The following TGM1 variants were observed in gnomAD, a reference collection of about 807,000 sequenced individuals.
TGM1 encodes the protein protein-glutamine gamma-glutamyltransferase K.
TGM1 carries 63 observed loss-of-function variants against 88.7 expected under a neutral mutation model. The ratio of observed to expected loss-of-function variants is 0.71; its 90% CI spans 0.58 to 0.88. TGM1 has a LOEUF of 0.88. TGM1 is among the 40% of genes least tolerant of loss of function. The probability of loss-of-function intolerance (pLI) is 0.00; values close to 1 mark genes in which losing one functional copy is unlikely to be tolerated. For missense variants in TGM1, 996 were observed against 1,118.0 expected (o/e 0.89, Z 1.56); for synonymous variants, 415 against 431.1 (o/e 0.96, Z 0.46).
Position 24,259,424 on chromosome 14 carries a change from C to T in TGM1, c.985-175G>A, listed in dbSNP as rs1380287319. Among the ~76,000 whole-genome samples the T allele has an allele frequency of 6.6e-6, 1 of 152,242 alleles. No homozygotes were observed. The highest frequency in any genetic ancestry group is 6.5e-5 in the Admixed American group (1 of 15,294). On this transcript the variant is annotated intron_variant, in intron 6 of 14. Coordinates refer to ENST00000206765, the MANE Select transcript of TGM1 (RefSeq NM_000359.3). The surrounding 1 kb of genome is among the most constrained non-coding windows in gnomAD (Gnocchi z 5.7). ...GCCCTTCCCTCAGCCATCTGCCCCC[C>T]TCCCACCCGGGCTCTGACACAGGAA...
chr14:24,262,647 G>C (rs1324925077), intron 1 of TGM1, among the ~76,000 whole-genome samples: 1 of 152,192 alleles, frequency 6.6e-6, no homozygotes, highest in Non-Finnish European at 1.5e-5. Flanking sequence ...AATCCACATA[G>C]TTCCCTGCAT....
In TGM1 at chr14:24,255,893, T is replaced by C; in HGVS notation, c.1491+96A>G. 9.5e-7 allele frequency: 1 copy of C among 1,054,634 alleles called. No individual in the cohort carries two copies. The highest frequency in any genetic ancestry group is 2.0e-5 in the Admixed American group (1 of 50,318). 65.3% of individuals were successfully genotyped at this position (1,054,634 alleles called of 1,614,324 possible). ...GAAACTGACTTGTATAATGAGTGAC[T>C]TGCCCCGGGTCGCAGAGCTGGTCAG... On this transcript the variant is annotated intron_variant, in intron 10 of 14. Transcript: ENST00000206765. This position sits in a 1 kb window ranked among gnomAD's most constrained non-coding sequence, Gnocchi z 4.0.
At position 24,249,556 on chromosome 14, in the gene TGM1, A is replaced by T; in HGVS notation, c.2226-15T>A. On this transcript the variant is annotated splice_polypyrimidine_tract_variant and intron_variant, in intron 14 of 14. Coordinates refer to ENST00000206765, the MANE Select transcript of TGM1 (RefSeq NM_000359.3). ...CTCCAATGTCCCTGTGGGCAGAGAC[A>T]AGGTCATGGGCCTGGAGTAATTGGG... is the stretch of plus-strand genomic sequence containing the variant. The T allele has an allele frequency of 6.2e-7, 1 of 1,611,166 alleles. No homozygotes were observed. The highest frequency in any genetic ancestry group is 8.5e-7 in the Non-Finnish European group (1 of 1,178,290).
At position 24,258,549 on chromosome 14, in the gene TGM1, G is replaced by A; in HGVS notation, c.1284C>T (p.Asn428=). Residue 428 remains asparagine (N), a synonymous_variant, in exon 8 of 15, where the codon AAC becomes AAT. Coordinates refer to ENST00000206765, the MANE Select transcript of TGM1 (RefSeq NM_000359.3). ...CCCCAGCTCACCAGACAGAATCATGGTTCAGGTGCTCCAGGGGCTTCATGT... is the reference window on the plus strand; with the variant it reads ...CCCCAGCTCACCAGACAGAATCATGATTCAGGTGCTCCAGGGGCTTCATGT... ...DENMKPLEHL[N]HDSVWNFHVW... is the part of the protein sequence containing the mutation. 1 of 1,614,178 alleles carries A rather than the reference G, an allele frequency of 6.2e-7. No homozygotes were observed. The highest frequency in any genetic ancestry group is 8.5e-7 in the Non-Finnish European group (1 of 1,180,034).
chr14:24,260,512 T>A lies in TGM1; in HGVS notation c.695A>T (p.Glu232Val). Residue 232 changes from glutamate (E) to valine (V), a missense_variant, in exon 4 of 15, where the codon GAG becomes GTG. Transcript: ENST00000206765. ...GCGGGGGTCAAAGGGCAACTGGAAC[T>A]CCCCAGCGTCTGATTGTGTGCGGAC... is the stretch of plus-strand genomic sequence containing the variant. Reference protein sequence around the residue: ...FTVRTQSDAGEFQLPFDPRNE... With the variant: ...FTVRTQSDAGVFQLPFDPRNE... 2 of 1,614,206 alleles carry A rather than the reference T, an allele frequency of 1.2e-6. No individual in the cohort carries two copies. The highest frequency in any genetic ancestry group is 1.7e-6 in the Non-Finnish European group (2 of 1,180,024).
chr14:24,260,334 G>A (rs41293784), intron 4 of TGM1, 116 bp downstream of exon 4: 2 of 1,504,676 alleles, frequency 1.3e-6, no homozygotes, highest in African/African-American at 2.8e-5. Context: ...CTGCCCAATG[G>A]GAGGCTGGCT....
chr14:24,249,515 G>A lies in TGM1; in HGVS notation c.2252C>T (p.Thr751Ile). Residue 751 changes from threonine to isoleucine, a missense_variant, in exon 15 of 15, where the codon ACA becomes ATA. Physicochemically the swap from Thr to Ile is moderately conservative, Grantham distance 89. Transcript: ENST00000206765. ...VGDIGGNETV[T>I]LRQSFVPVRP... is the part of the protein sequence containing the mutation. ...CACAGGCACAAACGACTGGCGCAGT[G>A]TCACTGTTTCATTGCCTCCAATGTC... The A allele has an allele frequency of 6.2e-7, 1 of 1,614,136 alleles. No individual in the cohort carries two copies. Among genetic ancestry groups the A allele is most frequent in the African/African-American group, 1.3e-5 (1 of 75,044 alleles).
intron 14 of TGM1, among the ~76,000 whole-genome samples, chr14:24,252,031 G>A (rs145772145): frequency 1.3e-5 from 2 of 152,170 alleles, no homozygotes; most frequent in Non-Finnish European, 2.9e-5. Flanking sequence ...GGAGGAGTGA[G>A]TTCTGGAATG....
Position 24,262,233 on chromosome 14 carries a change from G to A in TGM1, c.120C>T (p.Gly40=). ...EPDGRSRRGG[G]RSFWARCCGC... The stretch of plus-strand genomic sequence containing the variant: ...CACAGCAGCGAGCCCAGAAGGAACG[G>A]CCTCCTCCTCTGCGAGAGCGTCCGT... The change falls in exon 2 of 15, where the codon GGC becomes GGT. Residue 40 remains glycine, a synonymous_variant. Transcript: ENST00000206765. The A allele has an allele frequency of 6.2e-7, 1 of 1,613,872 alleles. No individual in the cohort carries two copies. Among genetic ancestry groups the A allele is most frequent in the Non-Finnish European group, 8.5e-7 (1 of 1,180,046 alleles).
chr14:24,255,039 G>C lies in TGM1; in HGVS notation c.1860C>G (p.Phe620Leu), dbSNP rs1349995754. Residue 620 changes from phenylalanine (F) to leucine (L), a missense_variant, in exon 12 of 15, where the codon TTC (phenylalanine) becomes TTG (leucine). Coordinates refer to ENST00000206765, the MANE Select transcript of TGM1 (RefSeq NM_000359.3). This position sits in a 1 kb window ranked among gnomAD's most constrained non-coding sequence, Gnocchi z 4.0. ...AGATGGTACCACTGACACCAGTATA[G>C]AAAGTGACTGAGAGGTAGAGGTGCA... is the stretch of plus-strand genomic sequence containing the variant. ...VKLHLYLSVT[F>L]YTGVSGTIFK... is the part of the protein sequence containing the mutation. 1.2e-6 allele frequency: 2 copies of C among 1,614,086 alleles called. No individual in the cohort carries two copies.
rs554868557 is a variant in TGM1 at position 24,260,373 on chromosome 14, C to A, written c.757+77G>T. ...CCTGGGGTCAGGCACCTAGGCACCC[C>A]GCCACATCCGAGGGCAGGAAGCCCT... On this transcript the variant is annotated intron_variant, in intron 4 of 14. Coordinates refer to ENST00000206765, the MANE Select transcript of TGM1 (RefSeq NM_000359.3). The A allele has an allele frequency of 1.9e-6, 3 of 1,595,298 alleles. No individual in the cohort carries two copies. In the African/African-American group the frequency reaches 4.0e-5, roughly 21 times the overall value.
intron 14 of TGM1, among the ~76,000 whole-genome samples, chr14:24,253,454 GTGTGTGTGTC>G (rs1174741423): frequency 6.6e-6 from 1 of 151,950 alleles, no homozygotes; most frequent in Non-Finnish European, 1.5e-5. Flanking sequence ...CTCTGTGTGT[GTGTGTGTGTC>G]TGTGTGTGTG....
In TGM1 at chr14:24,256,016, C is replaced by T. The variant is rs1468810665; in HGVS notation, c.1464G>A (p.Lys488=). 6.4e-7 allele frequency: 1 copy of T among 1,568,756 alleles called. No homozygotes were observed. The highest frequency in any genetic ancestry group is 8.7e-7 in the Non-Finnish European group (1 of 1,155,448). The change falls in exon 10 of 15, where the codon AAG becomes AAA. Residue 488 remains lysine, a synonymous_variant. Coordinates refer to ENST00000206765, the MANE Select transcript of TGM1 (RefSeq NM_000359.3). The stretch of plus-strand genomic sequence containing the variant: ...CAGCAAAAATGAAAGGCGTGTCGTA[C>T]TTCATGTAGACCAGGCCATTCTTGA... ...ESIKNGLVYM[K]YDTPFIFAEV...
intron 3 of TGM1, 46 bp from the exon 4 acceptor site, chr14:24,260,744 G>A (rs1207548826): frequency 1.2e-6 from 2 of 1,613,466 alleles, no homozygotes; most frequent in African/African-American, 2.7e-5. Context: ...TCCCTGAGGA[G>A]AGGGGATGGA....
At chr14:24,254,593 C>T (rs918901536) in intron 13 of TGM1, 71 bp downstream of exon 13, 2 of 1,608,550 alleles carry the variant, frequency 1.2e-6, no homozygotes, top group African/African-American at 2.7e-5. Context: ...GCTTAGCGCC[C>T]ACCTCTGATG....
intron 2 of TGM1, 53 bp from the exon 3 acceptor site, chr14:24,261,936 TATC>T: frequency 6.2e-7 from 1 of 1,610,360 alleles, no homozygotes; most frequent in Admixed American, 1.7e-5. Context: ...CCCAGGCCCT[TATC>T]ATTAGCTTCC....
At position 24,254,946 on chromosome 14, in the gene TGM1, G is replaced by A. The variant is rs200218432; in HGVS notation, c.1927+26C>T. On this transcript the variant is annotated intron_variant, in intron 12 of 14. Coordinates refer to ENST00000206765, the MANE Select transcript of TGM1 (RefSeq NM_000359.3). The stretch of plus-strand genomic sequence containing the variant: ...CCCTGAGGTGCCCAGCCATCCAGGG[G>A]GCAGGGCTGGGTAAGGAGCACTTAC... 890 of 1,613,388 alleles carry A rather than the reference G, an allele frequency of 5.5e-4. 3 individuals are homozygous for A. In the African/African-American group the frequency reaches 0.011, roughly 20 times the overall value.
intron 14 of TGM1, among the ~76,000 whole-genome samples, chr14:24,252,987 C>A (rs935766860): frequency 6.6e-6 from 1 of 152,210 alleles, no homozygotes; most frequent in Non-Finnish European, 1.5e-5. Context: ...GCCCTCACTA[C>A]ACCCAGGGGC....
Position 24,249,346 on chromosome 14 carries a change from C to A in TGM1, c.2421G>T (p.Glu807Asp), listed in dbSNP as rs1233680637. The A allele has an allele frequency of 6.2e-7, 1 of 1,613,950 alleles. No homozygotes were observed. The highest frequency in any genetic ancestry group is 1.1e-5 in the South Asian group (1 of 91,074). The change falls in exon 15 of 15, where the codon GAG becomes GAT. Residue 807 changes from glutamate (E) to aspartate (D), a missense_variant. By Grantham distance (45) the Glu-to-Asp change is conservative (BLOSUM62 2). Transcript: ENST00000206765. ...CACCTCGAGATGCCATAGGGATGGTCTCTCCTAAGTGACTGTCACCTCCAG... is the reference window on the plus strand; with the variant it reads ...CACCTCGAGATGCCATAGGGATGGTATCTCCTAAGTGACTGTCACCTCCAG... ...SDAGGDSHLGETIPMASRGGA is the reference protein window; with the variant it reads ...SDAGGDSHLGDTIPMASRGGA
Sources: gnomAD v4.1 joint callset for allele counts (sites outside exome capture counted in the v4.1 genomes callset) on GRCh38, gnomAD v4.1.1 for gene constraint, Gnocchi (gnomAD v3.1) non-coding constraint, MANE v1.5 for transcripts, NCBI Gene and HGNC (gene_info 2026-07-23, HGNC 2026-07-21) for gene names.